The following MAGI3 variants were observed in gnomAD, a reference collection of about 807,000 sequenced individuals.
MAGI3 encodes membrane associated guanylate kinase, WW and PDZ domain containing 3.
In MAGI3, 43 loss-of-function variants were observed where a neutral mutation model predicts 121.8. The ratio of observed to expected loss-of-function variants is 0.35; its 90% CI spans 0.28 to 0.46. The LOEUF is 0.46. Ranked by LOEUF, MAGI3 falls within the 20% of genes least tolerant of loss-of-function variation. MAGI3 has a pLI of 1.00. For synonymous variants in MAGI3, 553 were observed against 639.3 expected (o/e 0.86, Z 2.04); for missense variants, 1,547 against 1,797.3 (o/e 0.86, Z 2.52).
chr1:113,585,200 T>G (rs1241213280), intron 3 of MAGI3, among the ~76,000 whole-genome samples, 187 bp from the exon 4 acceptor site: 1 of 152,070 alleles, frequency 6.6e-6, no homozygotes, highest in East Asian at 1.9e-4. Flanking sequence ...ACTCCTGACC[T>G]CAAATGATTC....
At chr1:113,587,580 T>A (rs1648453103) in intron 4 of MAGI3, among the ~76,000 whole-genome samples, 1 of 152,208 alleles carries the variant, frequency 6.6e-6, no homozygotes, top group Non-Finnish European at 1.5e-5. Context: ...AGAGGTTTAT[T>A]TGTGCACACC....
intron 2 of MAGI3, among the ~76,000 whole-genome samples, chr1:113,569,548 A>G (rs1236409929): frequency 2.0e-5 from 3 of 152,152 alleles, no homozygotes; most frequent in African/African-American, 2.4e-5. Context: ...CCATGACTCT[A>G]TTTTCTTCAT....
In MAGI3 at chr1:113,640,997, G is replaced by T. The variant is rs1272658751; in HGVS notation, c.1361-914G>T. Among the ~76,000 whole-genome samples the T allele has an allele frequency of 6.6e-5, 5 of 76,256 alleles. No individual in the cohort carries two copies. In the East Asian group the frequency reaches 7.4e-4, roughly 11 times the overall value. 50.0% of individuals were successfully genotyped at this position (76,256 alleles called of 152,430 possible). A position where few individuals can be genotyped will look rare whatever the true frequency, so the allele number is the denominator to read the frequency against. ...TATATAATATATATACACTATATAT[G>T]ATATATATAATATATATGATATATA... is the stretch of plus-strand genomic sequence containing the variant. On this transcript the variant is annotated intron_variant, in intron 9 of 20. Transcript: ENST00000307546.
chr1:113,625,308 A>G (rs980866038), intron 9 of MAGI3, among the ~76,000 whole-genome samples: 1 of 152,158 alleles, frequency 6.6e-6, no homozygotes, highest in Non-Finnish European at 1.5e-5. Context: ...TATTGAAAAG[A>G]ATATTGATTC....
At chr1:113,594,905 C>T (rs1298253815) in intron 6 of MAGI3, among the ~76,000 whole-genome samples, 1 of 152,128 alleles carries the variant, frequency 6.6e-6, no homozygotes, top group Non-Finnish European at 1.5e-5. Context: ...CTAGGTCTAT[C>T]ATGTCTTATG....
chr1:113,406,295 A>T (rs1338608496), intron 1 of MAGI3, among the ~76,000 whole-genome samples: 5 of 151,078 alleles, frequency 3.3e-5, no homozygotes, highest in Non-Finnish European at 7.4e-5. Flanking sequence ...AAAAAAAAAA[A>T]AAATTAGCCG....
chr1:113,411,197 T>C (rs766841332), intron 1 of MAGI3, among the ~76,000 whole-genome samples: 1 of 152,142 alleles, frequency 6.6e-6, no homozygotes, highest in Non-Finnish European at 1.5e-5. Context: ...ATATATAATT[T>C]ATTCTTAGCA....
intron 1 of MAGI3, among the ~76,000 whole-genome samples, chr1:113,413,641 T>C (rs1377988148): frequency 6.6e-6 from 1 of 152,180 alleles, no homozygotes; most frequent in African/African-American, 2.4e-5. Context: ...TTTGTAGCAA[T>C]TGTGAATAGG....
intron 1 of MAGI3, among the ~76,000 whole-genome samples, chr1:113,409,529 G>C (rs1651863291): frequency 6.6e-6 from 1 of 151,980 alleles, no homozygotes. Flanking sequence ...TGTGGTTTCA[G>C]CTATATGAGA....
chr1:113,604,451 C>A (rs535223142), intron 6 of MAGI3, among the ~76,000 whole-genome samples: 39 of 150,852 alleles, frequency 2.6e-4, no homozygotes, highest in African/African-American at 8.3e-4. Context: ...CCTGTAATCC[C>A]ACCTACTCGG....
At chr1:113,405,616 G>C (rs958091479) in intron 1 of MAGI3, among the ~76,000 whole-genome samples, 1 of 151,922 alleles carries the variant, frequency 6.6e-6, no homozygotes, top group Non-Finnish European at 1.5e-5. Flanking sequence ...CAATACTGGG[G>C]CATTGGTGAT....
rs1653609007 is a variant in MAGI3, at chr1:113,658,651, A to C, written c.2630-429A>C. Reference sequence around the variant, plus strand: ...CCTTATGGGAGCAAGTGTCCCTTTAACAGAAGCAAAGATAATCTTATCGTA... The same window carrying C: ...CCTTATGGGAGCAAGTGTCCCTTTACCAGAAGCAAAGATAATCTTATCGTA... On this transcript the variant is annotated intron_variant, in intron 15 of 20. Transcript: ENST00000307546. This position sits in a 1 kb window ranked among gnomAD's most constrained non-coding sequence, Gnocchi z 4.0. 6.6e-6 allele frequency among the ~76,000 whole-genome samples: 1 copy of C among 152,216 alleles called. No individual in the cohort carries two copies. Among genetic ancestry groups the C allele is most frequent in the Non-Finnish European group, 1.5e-5 (1 of 68,040 alleles).
chr1:113,654,083 T>A, intron 15 of MAGI3, 65 bp downstream of exon 15: 1 of 1,316,176 alleles, frequency 7.6e-7, no homozygotes, highest in Non-Finnish European at 1.0e-6. Flanking sequence ...CCCACTGGAG[T>A]TTATGAAATA....
In MAGI3 at chr1:113,465,649, C is replaced by A. The variant is rs34211607; in HGVS notation, c.316+74300C>A. 9.3e-4 allele frequency among the ~76,000 whole-genome samples: 142 copies of A among 152,134 alleles called. 1 individual carries two copies. Among genetic ancestry groups the A allele is most frequent in the Non-Finnish European group, 1.5e-3 (105 of 67,972 alleles). On this transcript the variant is annotated intron_variant, in intron 1 of 20. Transcript: ENST00000307546. ...TAATCAATAAACATGGAATATCTTT[C>A]AATTTTTTTGGCATCCTCTTCAGTA... is the stretch of plus-strand genomic sequence containing the variant.
At chr1:113,607,444 G>A (rs549087968) in intron 6 of MAGI3, among the ~76,000 whole-genome samples, 8 of 152,030 alleles carry the variant, frequency 5.3e-5, no homozygotes, top group Non-Finnish European at 1.2e-4. Flanking sequence ...CACATAAAAT[G>A]GAAATGTCAC....
At chr1:113,461,390 A>G (rs930290122) in intron 1 of MAGI3, among the ~76,000 whole-genome samples, 1 of 152,192 alleles carries the variant, frequency 6.6e-6, no homozygotes, top group African/African-American at 2.4e-5. Flanking sequence ...ACAGGCACAT[A>G]GACCAATGGA....
chr1:113,608,755 A>G (rs1338530364), intron 6 of MAGI3, among the ~76,000 whole-genome samples: 2 of 152,192 alleles, frequency 1.3e-5, no homozygotes, highest in Non-Finnish European at 2.9e-5. Context: ...TGTTCCTCCC[A>G]TTCTTTATTC....
At chr1:113,488,087 T>C (rs1412941263) in intron 1 of MAGI3, among the ~76,000 whole-genome samples, 6 of 152,364 alleles carry the variant, frequency 3.9e-5, no homozygotes, top group Admixed American at 3.3e-4. Flanking sequence ...ATGATTTTTT[T>C]CTTGCTTTTT....
chr1:113,470,630 G>T (rs1306821863), intron 1 of MAGI3, among the ~76,000 whole-genome samples: 6 of 152,132 alleles, frequency 3.9e-5, no homozygotes, highest in Non-Finnish European at 4.4e-5. Context: ...CTGTCCATTA[G>T]ATTTCTATAA....
Sources: allele counts gnomAD v4.1 joint callset (sites outside exome capture counted in the v4.1 genomes callset), GRCh38; gene constraint gnomAD v4.1.1; non-coding constraint Gnocchi (gnomAD v3.1); transcripts MANE v1.5; gene names NCBI Gene and HGNC (gene_info 2026-07-23, HGNC 2026-07-21).